Variants in NCKAP5 observed in about 807,000 individuals in gnomAD.
The protein encoded by NCKAP5 is NCK associated protein 5.
NCKAP5 carries 92 observed loss-of-function variants against 167.0 expected under a neutral mutation model. The observed-to-expected ratio is 0.55, with a 90% confidence interval of 0.47 to 0.66. NCKAP5 has a LOEUF of 0.66. Among genes scored for constraint, NCKAP5 ranks in the 30% least tolerant of loss-of-function variants. The pLI is 0.00. For synonymous variants in NCKAP5, 891 were observed against 877.4 expected (o/e 1.02, Z -0.27); for missense variants, 2,378 against 2,315.0 (o/e 1.03, Z -0.56).
At chr2:132,853,396 T>G (rs935881573) in intron 11 of NCKAP5, among the ~76,000 whole-genome samples, 2 of 152,192 alleles carry the variant, frequency 1.3e-5, no homozygotes, top group Non-Finnish European at 2.9e-5. Flanking sequence ...TCACCTGGCT[T>G]AGCCCCTTAA....
At chr2:132,833,662 T>C (rs1687679503) in intron 11 of NCKAP5, among the ~76,000 whole-genome samples, 1 of 152,186 alleles carries the variant, frequency 6.6e-6, no homozygotes, top group Non-Finnish European at 1.5e-5. Flanking sequence ...GTCAAAGATC[T>C]GTTGGCTGTA....
intron 3 of NCKAP5, among the ~76,000 whole-genome samples, chr2:133,307,917 A>G (rs1309471036): frequency 6.6e-6 from 1 of 152,098 alleles, no homozygotes; most frequent in African/African-American, 2.4e-5. Flanking sequence ...ATGTTTTAAA[A>G]AGTAATTACA....
Position 132,779,468 on chromosome 2 carries a change from T to G in NCKAP5, c.5049+1584A>C, listed in dbSNP as rs76324173. Among the ~76,000 whole-genome samples, 1,452 of 152,198 alleles carry G rather than the reference T, an allele frequency of 9.5e-3. 15 individuals carry two copies. The highest frequency in any genetic ancestry group is 0.032 in the African/African-American group (1,323 of 41,518). On this transcript the variant is annotated intron_variant, in intron 15 of 19. Coordinates refer to ENST00000409261, the MANE Select transcript of NCKAP5 (RefSeq NM_207363.3). Reference sequence around the variant, plus strand: ...TTTTCACACATTCATTCTCTCTTCCTCCTTTCAGTGACACCACAAGGGCAG... The same window carrying G: ...TTTTCACACATTCATTCTCTCTTCCGCCTTTCAGTGACACCACAAGGGCAG...
chr2:133,072,935 A>G (rs2080468050), intron 6 of NCKAP5, among the ~76,000 whole-genome samples: 1 of 152,208 alleles, frequency 6.6e-6, no homozygotes. Context: ...TGGAGTAAGC[A>G]CACTCCCTTG....
chr2:133,268,867 T>G (rs1008341892), intron 4 of NCKAP5: 6 of 152,218 alleles, frequency 3.9e-5, no homozygotes, highest in African/African-American at 1.4e-4. Context: ...TTGCTAAAAT[T>G]AACATGGTGC....
chr2:133,362,070 C>T (rs1338060946), intron 3 of NCKAP5, among the ~76,000 whole-genome samples: 1 of 151,626 alleles, frequency 6.6e-6, no homozygotes, highest in Non-Finnish European at 1.5e-5. Flanking sequence ...ATACTGATGA[C>T]ATCTATAGGG....
In NCKAP5 at chr2:133,015,706, G is replaced by GA. The variant is rs1394897836; in HGVS notation, c.342-21468dup. ...CATTGTTGGGTGCAAACAATCCTGA[G>GA]ATACAAGACCCAGTCTCTACTCAAA... On this transcript the variant is annotated intron_variant, in intron 6 of 19. Transcript: ENST00000409261. Among the ~76,000 whole-genome samples the GA allele has an allele frequency of 3.3e-5, 5 of 152,262 alleles. No homozygotes were observed. In the East Asian group the frequency reaches 9.6e-4, roughly 29 times the overall value.
chr2:132,908,016 T>C (rs1163362784), intron 8 of NCKAP5, among the ~76,000 whole-genome samples: 1 of 152,194 alleles, frequency 6.6e-6, no homozygotes, highest in Admixed American at 6.5e-5. Flanking sequence ...TGGTCAATGC[T>C]TTTGTTTATA....
intron 13 of NCKAP5, among the ~76,000 whole-genome samples, chr2:132,786,915 T>C (rs1163961426): frequency 1.3e-5 from 2 of 152,214 alleles, no homozygotes; most frequent in African/African-American, 4.8e-5. Flanking sequence ...CAGTCCTAAC[T>C]GATGCTATAT....
chr2:132,715,522 G>A lies in NCKAP5; in HGVS notation c.5713+10105C>T, dbSNP rs567223238. Among the ~76,000 whole-genome samples, 14 of 152,164 alleles carry A rather than the reference G, an allele frequency of 9.2e-5. No individual in the cohort carries two copies. The South Asian group carries it at 1.2e-3, about 14-fold the overall frequency. On this transcript the variant is annotated intron_variant, in intron 19 of 19. Transcript: ENST00000409261. Reference sequence around the variant, plus strand: ...AATTTACCTACTTCACTAGAGCAACGTGAGGATTAACTGTCCTTGGGTAAC... The same window carrying A: ...AATTTACCTACTTCACTAGAGCAACATGAGGATTAACTGTCCTTGGGTAAC...
chr2:133,647,775 GA>G, the NCKAP5 span, among the ~76,000 whole-genome samples: 71 of 133,118 alleles, frequency 5.3e-4, 1 homozygote, highest in South Asian at 1.7e-3. Flanking sequence ...AAAAAGAAAA[GA>G]AAAAAAAGAA....
At chr2:132,946,681 G>C (rs575150711) in intron 8 of NCKAP5, among the ~76,000 whole-genome samples, 93 of 152,264 alleles carry the variant, frequency 6.1e-4, no homozygotes, top group African/African-American at 2.2e-3. Context: ...TGGATCACTT[G>C]AGCTCAGAAG....
chr2:133,540,295 G>T (rs1358628537), intron 2 of NCKAP5, among the ~76,000 whole-genome samples: 1 of 152,088 alleles, frequency 6.6e-6, no homozygotes, highest in Admixed American at 6.5e-5. Context: ...TTTTTTAAAT[G>T]ACATAAAATG....
rs1300010433 is a variant in NCKAP5 at position 133,330,896 on chromosome 2, T to TA, written c.70-27787dup. On this transcript the variant is annotated intron_variant, in intron 3 of 19. Coordinates refer to ENST00000409261, the MANE Select transcript of NCKAP5 (RefSeq NM_207363.3). ...TGGGCTACAGAGGGAGACCCTGTATTAAAAAAAAGAAGAAAGTATTAAGCA... is the reference window on the plus strand; with the variant it reads ...TGGGCTACAGAGGGAGACCCTGTATTAAAAAAAAAGAAGAAAGTATTAAGCA... 5.9e-5 allele frequency among the ~76,000 whole-genome samples: 9 copies of TA among 151,828 alleles called. No individual in the cohort carries two copies. In the East Asian group the frequency reaches 9.6e-4, roughly 16 times the overall value.
At chr2:132,981,092 A>T (rs1573625480) in intron 7 of NCKAP5, among the ~76,000 whole-genome samples, 1 of 152,218 alleles carries the variant, frequency 6.6e-6, no homozygotes. Flanking sequence ...AAACCTACCA[A>T]ATAAAACACA....
intron 8 of NCKAP5, among the ~76,000 whole-genome samples, chr2:132,934,930 A>G (rs1270053341): frequency 6.6e-6 from 1 of 152,244 alleles, no homozygotes; most frequent in Non-Finnish European, 1.5e-5. Context: ...CTTCACAGGT[A>G]GCTGCCCTAA....
At chr2:133,536,748 T>G (rs994419722) in intron 2 of NCKAP5, among the ~76,000 whole-genome samples, 1 of 152,132 alleles carries the variant, frequency 6.6e-6, no homozygotes, top group South Asian at 2.1e-4. Flanking sequence ...TATTTTCTCC[T>G]ATTTCATGGG....
intron 6 of NCKAP5, among the ~76,000 whole-genome samples, chr2:133,013,911 C>G (rs1464915857): frequency 6.6e-6 from 1 of 152,198 alleles, no homozygotes; most frequent in Non-Finnish European, 1.5e-5. Context: ...CAACTGCTTT[C>G]TCTTTCCCAT....
intron 6 of NCKAP5, among the ~76,000 whole-genome samples, chr2:133,051,946 A>T (rs1391572994): frequency 1.3e-5 from 2 of 152,228 alleles, no homozygotes; most frequent in South Asian, 2.1e-4. Flanking sequence ...CCAAGCTGAC[A>T]CATGTATTTT....
Sources: gnomAD v4.1 joint callset for allele counts (sites outside exome capture counted in the v4.1 genomes callset) on GRCh38, gnomAD v4.1.1 for gene constraint, MANE v1.5 for transcripts, NCBI Gene and HGNC (gene_info 2026-07-23, HGNC 2026-07-21) for gene names.